The following RAB39A variants were observed in gnomAD, a reference collection of about 807,000 sequenced individuals.
The protein encoded by RAB39A is RAB39A, member RAS oncogene family.
A neutral mutation model predicts 20.9 loss-of-function variants in RAB39A; 17 were observed. That is an observed-to-expected ratio of 0.81 (90% CI 0.56 to 1.22). The LOEUF is 1.22. RAB39A is among the 50% of genes most tolerant of loss of function. The probability of loss-of-function intolerance (pLI) is 0.00; values close to 1 mark genes in which losing one functional copy is unlikely to be tolerated. For missense variants in RAB39A, 234 were observed against 270.5 expected, an observed-to-expected ratio of 0.87 and a Z score of 0.95; for synonymous variants, 99 against 103.4, an observed-to-expected ratio of 0.96 and a Z score of 0.26.
intron 1 of RAB39A, among the ~76,000 whole-genome samples, chr11:107,958,038 T>G (rs1287654764): frequency 6.6e-6 from 1 of 152,094 alleles, no homozygotes; most frequent in Admixed American, 6.5e-5. Flanking sequence ...ACTACAGGCA[T>G]GCACCACCAT....
chr11:107,946,766 G>A (rs919458717), intron 1 of RAB39A, among the ~76,000 whole-genome samples: 6 of 150,932 alleles, frequency 4.0e-5, no homozygotes, highest in East Asian at 2.0e-4. Context: ...GAGCCACCGC[G>A]CCCAGCCGAT....
At chr11:107,961,454 C>G (rs973974828) in intron 1 of RAB39A, among the ~76,000 whole-genome samples, 25 of 152,156 alleles carry the variant, frequency 1.6e-4, no homozygotes, top group African/African-American at 6.0e-4. Context: ...GTTAGCATTT[C>G]AACATAAGAA....
intron 1 of RAB39A, among the ~76,000 whole-genome samples, chr11:107,931,101 C>G (rs182391715): frequency 6.6e-6 from 1 of 151,574 alleles, no homozygotes; most frequent in Admixed American, 6.6e-5. Context: ...CTCAGCCTCC[C>G]GAGTAGCTGG....
chr11:107,934,199 A>G (rs984694608), intron 1 of RAB39A, among the ~76,000 whole-genome samples: 2 of 152,156 alleles, frequency 1.3e-5, no homozygotes, highest in African/African-American at 4.8e-5. Flanking sequence ...AAGCTGAGGC[A>G]GGAGAATTAC....
intron 1 of RAB39A, among the ~76,000 whole-genome samples, chr11:107,929,213 TA>T (rs1387826351): frequency 2.0e-5 from 3 of 152,108 alleles, no homozygotes; most frequent in Non-Finnish European, 4.4e-5. Context: ...TTTCCTACCC[TA>T]ACCCAGCGGC....
chr11:107,946,460 ATTTTTTTTTTTTTT>A (rs869125579), intron 1 of RAB39A, among the ~76,000 whole-genome samples: 14 of 15,762 alleles, frequency 8.9e-4, no homozygotes, highest in African/African-American at 3.3e-3. Context: ...ATATATATAT[ATTTTTTTTTTTTTT>A]TTTTTTTTTT....
At chr11:107,942,496 T>TTTTG (rs898471365) in intron 1 of RAB39A, among the ~76,000 whole-genome samples, 1 of 152,064 alleles carries the variant, frequency 6.6e-6, no homozygotes, top group African/African-American at 2.4e-5. Flanking sequence ...CTGGGCTAAT[T>TTTTG]TTTGTTTGTT....
At chr11:107,931,749 G>A (rs1019336867) in intron 1 of RAB39A, among the ~76,000 whole-genome samples, 4 of 152,114 alleles carry the variant, frequency 2.6e-5, no homozygotes, top group Admixed American at 6.6e-5. Flanking sequence ...CTGACAAAAA[G>A]GAACCTACTT....
At chr11:107,945,282 A>G (rs1181368645) in intron 1 of RAB39A, among the ~76,000 whole-genome samples, 1 of 146,882 alleles carries the variant, frequency 6.8e-6, no homozygotes, top group Non-Finnish European at 1.5e-5. Flanking sequence ...CATGAGTTCA[A>G]GGCCAGCCTG....
intron 1 of RAB39A, among the ~76,000 whole-genome samples, chr11:107,954,521 A>G (rs1426193779): frequency 6.6e-6 from 1 of 152,124 alleles, no homozygotes; most frequent in Non-Finnish European, 1.5e-5. Flanking sequence ...ACGTCTCTCC[A>G]ACTCTTCCTC....
At chr11:107,950,484 A>C (rs539682222) in intron 1 of RAB39A, among the ~76,000 whole-genome samples, 1 of 151,782 alleles carries the variant, frequency 6.6e-6, no homozygotes, top group South Asian at 2.1e-4. Context: ...AAAGAAAAAA[A>C]GTCTGGGCGC....
chr11:107,934,425 C>T (rs1861171366), intron 1 of RAB39A, among the ~76,000 whole-genome samples: 1 of 151,814 alleles, frequency 6.6e-6, no homozygotes, highest in East Asian at 1.9e-4. Context: ...CAGAGCTAGA[C>T]CCTGTCTCTA....
At chr11:107,948,261 A>G (rs563553797) in intron 1 of RAB39A, among the ~76,000 whole-genome samples, 1 of 152,236 alleles carries the variant, frequency 6.6e-6, no homozygotes, top group East Asian at 1.9e-4. Context: ...AGATTGAATT[A>G]TTGAGAAGTA....
At chr11:107,936,179 C>T (rs1257650148) in intron 1 of RAB39A, among the ~76,000 whole-genome samples, 2 of 152,082 alleles carry the variant, frequency 1.3e-5, no homozygotes, top group African/African-American at 2.4e-5. Flanking sequence ...GCATTACAGG[C>T]GTGAGCCACT....
chr11:107,949,366 C>T (rs1861351236), intron 1 of RAB39A, among the ~76,000 whole-genome samples: 2 of 151,936 alleles, frequency 1.3e-5, no homozygotes, highest in Admixed American at 1.3e-4. Context: ...AAAATAAAAG[C>T]TGAATAATTT....
At chr11:107,943,168 G>A (rs1326708592) in intron 1 of RAB39A, among the ~76,000 whole-genome samples, 1 of 152,150 alleles carries the variant, frequency 6.6e-6, no homozygotes, top group Non-Finnish European at 1.5e-5. Context: ...TGGGTATTGG[G>A]CAAAGCTGGG....
intron 1 of RAB39A, among the ~76,000 whole-genome samples, chr11:107,940,787 G>A (rs1281229322): frequency 2.6e-5 from 4 of 151,994 alleles, no homozygotes; most frequent in African/African-American, 2.4e-5. Flanking sequence ...CCTGGCCAAC[G>A]TGGTGAAGCC....
intron 1 of RAB39A, among the ~76,000 whole-genome samples, chr11:107,948,012 CA>C (rs1861336797): frequency 6.8e-6 from 1 of 148,020 alleles, no homozygotes; most frequent in Non-Finnish European, 1.5e-5. Flanking sequence ...ACAAGTAAAC[CA>C]GGGGTGAAGA....
At chr11:107,942,274 C>T (rs925626437) in intron 1 of RAB39A, among the ~76,000 whole-genome samples, 1 of 152,124 alleles carries the variant, frequency 6.6e-6, no homozygotes, top group African/African-American at 2.4e-5. Context: ...GAAGAAAGGA[C>T]ACATGAGAAA....
Sources: allele counts gnomAD v4.1 joint callset (sites outside exome capture counted in the v4.1 genomes callset), GRCh38; gene constraint gnomAD v4.1.1; transcripts MANE v1.5; gene names NCBI Gene and HGNC (gene_info 2026-07-23, HGNC 2026-07-21).